Variants in DNAAF4 observed in about 807,000 individuals in gnomAD.
The protein encoded by DNAAF4 is dynein assembly factor 4, axonemal.
A neutral mutation model predicts 51.8 loss-of-function variants in DNAAF4; 43 were observed. The ratio of observed to expected loss-of-function variants is 0.83; its 90% confidence interval spans 0.65 to 1.07. The LOEUF is 1.07. Ranked by LOEUF, DNAAF4 falls within the 50% of genes least tolerant of loss-of-function variation. The pLI is 0.00. For missense variants in DNAAF4, 581 were observed against 493.0 expected, an observed-to-expected ratio of 1.18 and a Z score of -1.69; for synonymous variants, 194 against 165.6, an observed-to-expected ratio of 1.17 and a Z score of -1.32.
intron 4 of DNAAF4, among the ~76,000 whole-genome samples, chr15:55,473,321 GTGTA>G (rs1567023566): frequency 1.5e-5 from 2 of 130,608 alleles, no homozygotes; most frequent in East Asian, 2.1e-4. Context: ...GTATATATGT[GTGTA>G]TATATATGTG....
intron 1 of DNAAF4, among the ~76,000 whole-genome samples, chr15:55,504,536 A>C (rs989331519): frequency 2.6e-5 from 4 of 152,232 alleles, no homozygotes; most frequent in African/African-American, 9.6e-5. Flanking sequence ...ACAAGGCTAC[A>C]GTAACCAAAA....
intron 5 of DNAAF4, among the ~76,000 whole-genome samples, chr15:55,461,204 G>A (rs1340965558): frequency 1.3e-5 from 2 of 152,126 alleles, no homozygotes; most frequent in Non-Finnish European, 2.9e-5. Context: ...GAGTAGCTGG[G>A]ACTACAGGTG....
intron 7 of DNAAF4, among the ~76,000 whole-genome samples, chr15:55,438,713 G>A (rs536004105): frequency 1.6e-4 from 25 of 151,606 alleles, no homozygotes; most frequent in South Asian, 2.1e-4. Flanking sequence ...TGAACCTGGC[G>A]GGTAGAGGTT....
intron 1 of DNAAF4, among the ~76,000 whole-genome samples, chr15:55,502,314 C>T (rs2058703804): frequency 6.6e-6 from 1 of 151,776 alleles, no homozygotes; most frequent in Non-Finnish European, 1.5e-5. Flanking sequence ...ACATGCTACC[C>T]CAAATTATGA....
At chr15:55,442,366 G>A (rs1424581180) in intron 6 of DNAAF4, among the ~76,000 whole-genome samples, 2 of 152,122 alleles carry the variant, frequency 1.3e-5, no homozygotes, top group Admixed American at 6.6e-5. Context: ...CAATCCACCC[G>A]CCTTGGCCTC....
At chr15:55,458,378 A>T (rs909698586) in intron 5 of DNAAF4, among the ~76,000 whole-genome samples, 2 of 152,222 alleles carry the variant, frequency 1.3e-5, no homozygotes, top group African/African-American at 4.8e-5. Context: ...AGACACACTT[A>T]AAGAAATGCA....
intron 6 of DNAAF4, 63 bp downstream of exon 6, chr15:55,450,159 T>C (rs938287259): frequency 2.6e-5 from 38 of 1,471,610 alleles, no homozygotes; most frequent in South Asian, 2.2e-4. Context: ...CTAATTTCAA[T>C]AGATGAAATA....
intron 6 of DNAAF4, among the ~76,000 whole-genome samples, chr15:55,448,105 G>C (rs1435316266): frequency 6.6e-6 from 1 of 152,118 alleles, no homozygotes; most frequent in African/African-American, 2.4e-5. Context: ...AGCTTACTGA[G>C]AGTTTTTAGC....
chr15:55,490,898 G>C (rs1385712103), intron 4 of DNAAF4: 2 of 361,236 alleles, frequency 5.5e-6, no homozygotes, highest in Admixed American at 4.6e-5. Context: ...AGCTTGCAGT[G>C]AGCCCAGATC....
At chr15:55,462,955 G>C (rs1027530648) in intron 5 of DNAAF4, among the ~76,000 whole-genome samples, 1 of 152,188 alleles carries the variant, frequency 6.6e-6, no homozygotes, top group Non-Finnish European at 1.5e-5. Flanking sequence ...CGGATCATTT[G>C]AGGTCAGGAG....
chr15:55,467,890 A>G (rs1184224962), intron 4 of DNAAF4, among the ~76,000 whole-genome samples: 1 of 151,644 alleles, frequency 6.6e-6, no homozygotes, highest in Non-Finnish European at 1.5e-5. Flanking sequence ...TGGGCAAGAA[A>G]AAAAACCTTG....
intron 3 of DNAAF4, among the ~76,000 whole-genome samples, chr15:55,493,597 G>A (rs2058601912): frequency 6.6e-6 from 1 of 152,064 alleles, no homozygotes; most frequent in Non-Finnish European, 1.5e-5. Flanking sequence ...ATTAGAGTCT[G>A]AATAATGAGG....
chr15:55,426,568 T>C (rs2057432571), downstream of DNAAF4, among the ~76,000 whole-genome samples: 2 of 152,288 alleles, frequency 1.3e-5, no homozygotes, highest in South Asian at 4.1e-4. Context: ...TAGCTGGGAT[T>C]ACAGGTGCTT....
intron 7 of DNAAF4, among the ~76,000 whole-genome samples, chr15:55,418,921 AC>A (rs2057362599): frequency 7.2e-5 from 2 of 27,616 alleles, no homozygotes; most frequent in Non-Finnish European, 1.5e-4. Flanking sequence ...ACAATTTCAC[AC>A]TTTTTTTTTT....
intron 5 of DNAAF4, among the ~76,000 whole-genome samples, chr15:55,464,927 C>T (rs756709227): frequency 6.6e-6 from 1 of 152,262 alleles, no homozygotes; most frequent in Non-Finnish European, 1.5e-5. Flanking sequence ...TGCACTCCAG[C>T]CTGGGCAACA....
intron 4 of DNAAF4, among the ~76,000 whole-genome samples, chr15:55,483,216 C>T (rs2058436056): frequency 6.6e-6 from 1 of 152,076 alleles, no homozygotes; most frequent in Admixed American, 6.6e-5. Flanking sequence ...CCTGCCTCAG[C>T]CTTCCGAGTA....
Position 55,458,447 on chromosome 15 carries a change from A to C in DNAAF4, c.638-8080T>G, listed in dbSNP as rs1374763938. 2.6e-5 allele frequency among the ~76,000 whole-genome samples: 4 copies of C among 152,172 alleles called. No homozygotes were observed. The East Asian group carries it at 7.7e-4, about 29-fold the overall frequency. On this transcript the variant is annotated intron_variant, in intron 5 of 9. Coordinates refer to ENST00000321149, the MANE Select transcript of DNAAF4 (RefSeq NM_130810.4). Reference sequence around the variant, plus strand: ...ACAAGTAGAAGAAATAACTTCAGAGATCAAAGACAAGGCTTTCAAACGAAC... The same window carrying C: ...ACAAGTAGAAGAAATAACTTCAGAGCTCAAAGACAAGGCTTTCAAACGAAC...
At chr15:55,483,856 TTTTTTTTTTTTTTTTA>T in intron 4 of DNAAF4, among the ~76,000 whole-genome samples, 2 of 96,730 alleles carry the variant, frequency 2.1e-5, no homozygotes, top group Non-Finnish European at 5.0e-5. Context: ...TTTTTTTTTT[TTTTTTTTTTTTTTTTA>T]AGAGAAAGCA....
At chr15:55,432,163 C>T (rs1319236502) in intron 9 of DNAAF4, among the ~76,000 whole-genome samples, 1 of 151,804 alleles carries the variant, frequency 6.6e-6, no homozygotes, top group East Asian at 1.9e-4. Context: ...GTTGGTCAGG[C>T]TGGTCTCGAA....
Sources: gnomAD v4.1 joint callset for allele counts (sites outside exome capture counted in the v4.1 genomes callset) on GRCh38, gnomAD v4.1.1 for gene constraint, MANE v1.5 for transcripts, NCBI Gene and HGNC (gene_info 2026-07-23, HGNC 2026-07-21) for gene names.